The following DLC1 variants were observed in gnomAD, a reference collection of about 807,000 sequenced individuals.
DLC1 encodes DLC1 Rho GTPase activating protein, also known as rho GTPase-activating protein 7.
DLC1 carries 54 observed loss-of-function variants against 140.3 expected under a neutral mutation model. The observed-to-expected ratio is 0.38, with a 90% CI of 0.31 to 0.48. The LOEUF (loss-of-function observed/expected upper bound fraction) is 0.48. Ranked by LOEUF, DLC1 falls within the 20% of genes least tolerant of loss-of-function variation. The probability of loss-of-function intolerance (pLI) is 0.96; values close to 1 mark genes in which losing one functional copy is unlikely to be tolerated. For synonymous variants in DLC1, 986 were observed against 728.1 expected, an observed-to-expected ratio of 1.35 and a Z score of -5.70; for missense variants, 2,536 against 1,907.0, an observed-to-expected ratio of 1.33 and a Z score of -6.14.
chr8:13,450,119 TA>T (rs1441209185), intron 2 of DLC1, among the ~76,000 whole-genome samples: 2 of 152,090 alleles, frequency 1.3e-5, no homozygotes, highest in African/African-American at 4.8e-5. Context: ...CATTATTTAG[TA>T]AAATAAATTT....
chr8:13,458,658 G>C (rs544537966), intron 2 of DLC1, among the ~76,000 whole-genome samples: 1 of 152,080 alleles, frequency 6.6e-6, no homozygotes, highest in African/African-American at 2.4e-5. Context: ...CTGTCACTTC[G>C]TATGTCAGTA....
intron 5 of DLC1, among the ~76,000 whole-genome samples, chr8:13,219,234 TATA>T (rs1218345832): frequency 5.2e-5 from 7 of 135,874 alleles, no homozygotes; most frequent in East Asian, 4.2e-4. Context: ...AATATAATTA[TATA>T]ATGATATTCT....
intron 2 of DLC1, among the ~76,000 whole-genome samples, chr8:13,424,639 C>T (rs1464278313): frequency 6.6e-6 from 1 of 151,976 alleles, no homozygotes; most frequent in African/African-American, 2.4e-5. Flanking sequence ...GTGCTGCGAT[C>T]TTGGCTCACT....
At chr8:13,269,867 C>T (rs1296816758) in intron 5 of DLC1, among the ~76,000 whole-genome samples, 1 of 149,778 alleles carries the variant, frequency 6.7e-6, no homozygotes, top group Admixed American at 6.7e-5. Flanking sequence ...ACCATCCTGG[C>T]TAACACGGTG....
At position 13,238,829 on chromosome 8, in the gene DLC1, C is replaced by G. The variant is rs143711446; in HGVS notation, c.1348+66440G>C. On this transcript the variant is annotated intron_variant, in intron 5 of 17. Transcript: ENST00000276297. ...CTCAAGTGATGTGTATGCTCTCTGA[C>G]GCGTGCTTCCAGGAGGGGCGTGGGC... Among the ~76,000 whole-genome samples the G allele has an allele frequency of 9.2e-4, 140 of 152,184 alleles. 1 individual carries two copies. The highest frequency in any genetic ancestry group is 3.0e-3 in the African/African-American group (126 of 41,518).
intron 4 of DLC1, chr8:13,353,353 C>G (rs1190527289): frequency 3.3e-5 from 5 of 152,096 alleles, no homozygotes; most frequent in African/African-American, 1.2e-4. Context: ...CCTATAATAT[C>G]TGTAAAAGAC....
intron 2 of DLC1, among the ~76,000 whole-genome samples, chr8:13,486,239 A>G (rs1423438892): frequency 6.6e-6 from 1 of 152,242 alleles, no homozygotes; most frequent in Non-Finnish European, 1.5e-5. Flanking sequence ...GGAGAAACGT[A>G]GAAAAAACAA....
At chr8:13,381,104 G>A (rs890126313) in intron 4 of DLC1, among the ~76,000 whole-genome samples, 4 of 152,140 alleles carry the variant, frequency 2.6e-5, no homozygotes, top group Non-Finnish European at 5.9e-5. Context: ...TTGTTGGGGT[G>A]TCTAGCTGGT....
intron 5 of DLC1, among the ~76,000 whole-genome samples, chr8:13,261,987 G>A (rs551213538): frequency 2.6e-5 from 4 of 152,132 alleles, no homozygotes; most frequent in Non-Finnish European, 4.4e-5. Flanking sequence ...TGAAGAAGTT[G>A]AGGCAAAATG....
intron 4 of DLC1, among the ~76,000 whole-genome samples, chr8:13,383,751 G>C (rs915752907): frequency 3.3e-5 from 5 of 152,112 alleles, no homozygotes; most frequent in Non-Finnish European, 7.4e-5. Context: ...GAATGCTCAA[G>C]CATTCCCATT....
intron 5 of DLC1, chr8:13,116,152 T>C (rs772999677): frequency 1.0e-6 from 1 of 986,422 alleles, no homozygotes; most frequent in Non-Finnish European, 1.2e-6. Flanking sequence ...TGACCTTGTG[T>C]TGTTTCACTG....
At chr8:13,299,400 A>G (rs1832091651) in intron 5 of DLC1, among the ~76,000 whole-genome samples, 1 of 148,696 alleles carries the variant, frequency 6.7e-6, no homozygotes, top group Non-Finnish European at 1.5e-5. Flanking sequence ...GTGAGTCGAG[A>G]CCGTGTCATT....
At chr8:13,130,929 C>G (rs1159904455) in intron 5 of DLC1, among the ~76,000 whole-genome samples, 1 of 152,184 alleles carries the variant, frequency 6.6e-6, no homozygotes, top group African/African-American at 2.4e-5. Context: ...AACAGTAGTA[C>G]TAATGCAAAA....
chr8:13,183,016 C>T (rs1826130591), intron 5 of DLC1, among the ~76,000 whole-genome samples: 3 of 152,280 alleles, frequency 2.0e-5, no homozygotes, highest in Admixed American at 1.3e-4. Context: ...TTGTAGTTCT[C>T]CTTGAAGAGG....
chr8:13,352,518 A>C (rs1257820319), intron 4 of DLC1, among the ~76,000 whole-genome samples: 1 of 151,906 alleles, frequency 6.6e-6, no homozygotes, highest in East Asian at 1.9e-4. Context: ...AGTAGCTGGG[A>C]CTACAGGCAT....
At chr8:13,341,053 G>A (rs1047206753) in intron 4 of DLC1, 2 of 152,188 alleles carry the variant, frequency 1.3e-5, no homozygotes, top group Admixed American at 6.5e-5. Flanking sequence ...AGAAACGTGT[G>A]TTCAGTAGGA....
chr8:13,390,838 A>AG (rs999574113), intron 4 of DLC1, among the ~76,000 whole-genome samples: 11 of 152,088 alleles, frequency 7.2e-5, no homozygotes, highest in African/African-American at 2.7e-4. Context: ...ATACAAAAAA[A>AG]TTAGCCAGGC....
chr8:13,471,486 A>G (rs1390572742), intron 2 of DLC1, among the ~76,000 whole-genome samples: 1 of 129,014 alleles, frequency 7.8e-6, no homozygotes, highest in Admixed American at 7.7e-5. Context: ...GAAGGAAGGA[A>G]GGAAGGGAGG....
chr8:13,260,496 T>C (rs1830432274), intron 5 of DLC1, among the ~76,000 whole-genome samples: 1 of 152,174 alleles, frequency 6.6e-6, no homozygotes, highest in Non-Finnish European at 1.5e-5. Context: ...ATGAAGTTAA[T>C]TGTGGAGATA....
Sources: allele counts gnomAD v4.1 joint callset (sites outside exome capture counted in the v4.1 genomes callset), GRCh38; gene constraint gnomAD v4.1.1; transcripts MANE v1.5; gene names NCBI Gene and HGNC (gene_info 2026-07-23, HGNC 2026-07-21).